Variants in RXFP1 observed in about 807,000 individuals in gnomAD.
RXFP1 encodes relaxin family peptide receptor 1, also known as relaxin receptor 1.
Under a neutral mutation model 89.8 loss-of-function variants are expected in RXFP1, and 73 were observed. The ratio of observed to expected loss-of-function variants is 0.81; its 90% confidence interval spans 0.67 to 0.99. The LOEUF is 0.99. Ranked by LOEUF, RXFP1 falls within the 50% of genes least tolerant of loss-of-function variation. The pLI is 0.00. For missense variants in RXFP1, 793 were observed against 895.5 expected, an observed-to-expected ratio of 0.89 and a Z score of 1.46; for synonymous variants, 277 against 305.5, an observed-to-expected ratio of 0.91 and a Z score of 0.97.
At chr4:158,591,193 TA>T (rs1345628124) in intron 2 of RXFP1, among the ~76,000 whole-genome samples, 1 of 152,186 alleles carries the variant, frequency 6.6e-6, no homozygotes, top group Non-Finnish European at 1.5e-5. Flanking sequence ...GAAAGCATTC[TA>T]AAGTGGGGGT....
intron 2 of RXFP1, among the ~76,000 whole-genome samples, chr4:158,585,702 G>T (rs1231519147): frequency 6.6e-6 from 1 of 152,122 alleles, no homozygotes; most frequent in Non-Finnish European, 1.5e-5. Context: ...AAGTACCTTA[G>T]TAGTCACTGA....
intron 1 of RXFP1, among the ~76,000 whole-genome samples, chr4:158,549,390 A>G (rs2149879285): frequency 6.6e-6 from 1 of 151,838 alleles, no homozygotes; most frequent in Non-Finnish European, 1.5e-5. Flanking sequence ...TTTGCCATTG[A>G]TTTGAATTTC....
intron 16 of RXFP1, among the ~76,000 whole-genome samples, chr4:158,647,745 C>T (rs763555191): frequency 1.3e-5 from 2 of 151,964 alleles, no homozygotes; most frequent in Non-Finnish European, 2.9e-5. Context: ...AGGCCAGGCA[C>T]GGTGGCTCAT....
In RXFP1 at chr4:158,628,348, G is replaced by T. The variant is rs1200587801; in HGVS notation, c.828-290G>T. Among the ~76,000 whole-genome samples the T allele has an allele frequency of 2.0e-5, 3 of 152,140 alleles. No individual in the cohort carries two copies. In the East Asian group the frequency reaches 5.8e-4, roughly 29 times the overall value. Reference sequence around the variant, plus strand: ...TAAAACAGCTCCTATGCTCTTGGTTGCAAGATATGCAGTCTGTATTCTCAA... The same window carrying T: ...TAAAACAGCTCCTATGCTCTTGGTTTCAAGATATGCAGTCTGTATTCTCAA... On this transcript the variant is annotated intron_variant, in intron 10 of 17. Transcript: ENST00000307765.
chr4:158,588,500 G>T (rs1023768515), intron 2 of RXFP1, among the ~76,000 whole-genome samples: 1 of 152,058 alleles, frequency 6.6e-6, no homozygotes, highest in East Asian at 1.9e-4. Flanking sequence ...TGCTGCTCCC[G>T]CCCCCAACAC....
rs760144867 is a variant in RXFP1, at chr4:158,618,705, T to C, written c.755+1500T>C. On this transcript the variant is annotated intron_variant, in intron 9 of 17. Coordinates refer to ENST00000307765, the MANE Select transcript of RXFP1 (RefSeq NM_021634.4). ...GCCAAACATCATTTTAACTCTGATT[T>C]AGGGGAAAAATACATACAAACTAAA... is the stretch of plus-strand genomic sequence containing the variant. 7.2e-5 allele frequency among the ~76,000 whole-genome samples: 11 copies of C among 152,080 alleles called. No individual in the cohort carries two copies. In the East Asian group the frequency reaches 2.1e-3, roughly 29 times the overall value.
rs1579673353 is a variant in RXFP1 at position 158,567,786 on chromosome 4, A to AGACCAATCGGCTCTCTGTAAAACG, written c.50-4903_50-4880dup. The stretch of plus-strand genomic sequence containing the variant: ...CAGACCAATCAGCTCTCTGTAAAAC[A>AGACCAATCGGCTCTCTGTAAAACG]GACCAATCGGCTCTCTGTAAAACGG... On this transcript the variant is annotated intron_variant, in intron 1 of 17. Transcript: ENST00000307765. Among the ~76,000 whole-genome samples the AGACCAATCGGCTCTCTGTAAAACG allele has an allele frequency of 2.0e-5, 3 of 152,320 alleles. No homozygotes were observed. In the East Asian group the frequency reaches 5.8e-4, roughly 29 times the overall value.
chr4:158,568,035 C>A (rs746806312), intron 1 of RXFP1, among the ~76,000 whole-genome samples: 2 of 152,160 alleles, frequency 1.3e-5, no homozygotes, highest in Non-Finnish European at 2.9e-5. Flanking sequence ...CCATCAAGAC[C>A]ACGAACCCAC....
At chr4:158,537,052 A>G (rs1745443895) in intron 1 of RXFP1, among the ~76,000 whole-genome samples, 1 of 151,396 alleles carries the variant, frequency 6.6e-6, no homozygotes, top group Non-Finnish European at 1.5e-5. Context: ...TTGACAACGC[A>G]ATTACTTTTG....
chr4:158,607,867 T>C, intron 5 of RXFP1, 105 bp from the exon 6 acceptor site: 1 of 689,608 alleles, frequency 1.5e-6, no homozygotes. Flanking sequence ...AGCACATTCA[T>C]ATTGCTATGC....
chr4:158,644,080 T>C (rs1248055724), intron 14 of RXFP1, among the ~76,000 whole-genome samples: 1 of 149,554 alleles, frequency 6.7e-6, no homozygotes, highest in African/African-American at 2.5e-5. Flanking sequence ...AGTCTCGCTC[T>C]GTCGCCCCCA....
intron 1 of RXFP1, among the ~76,000 whole-genome samples, chr4:158,529,442 A>G (rs1203357557): frequency 1.3e-5 from 2 of 151,794 alleles, no homozygotes; most frequent in Non-Finnish European, 2.9e-5. Context: ...TATTTTTTGT[A>G]GAGATGGGAG....
At chr4:158,531,998 T>C (rs7695283) in intron 1 of RXFP1, among the ~76,000 whole-genome samples, 131,952 of 151,964 alleles carry the variant, frequency 0.87, 60,315 homozygotes, top group East Asian at 1. Context: ...GTATATCGTG[T>C]GATGCTGAGG....
intron 1 of RXFP1, among the ~76,000 whole-genome samples, chr4:158,537,760 A>G (rs946806782): frequency 3.9e-5 from 6 of 152,234 alleles, no homozygotes; most frequent in Non-Finnish European, 5.9e-5. Flanking sequence ...TCTGGTGGTG[A>G]TATTTAAATA....
chr4:158,522,832 C>A (rs573482551), intron 1 of RXFP1, among the ~76,000 whole-genome samples: 1 of 152,140 alleles, frequency 6.6e-6, no homozygotes, highest in South Asian at 2.1e-4. Flanking sequence ...TGGGCTTTTA[C>A]TAATTTAGAA....
intron 9 of RXFP1, among the ~76,000 whole-genome samples, chr4:158,623,626 C>T (rs1341925603): frequency 1.3e-5 from 2 of 151,628 alleles, no homozygotes; most frequent in Non-Finnish European, 2.9e-5. Flanking sequence ...TATCAAACTT[C>T]AGTGCCCCTT....
intron 5 of RXFP1, 84 bp downstream of exon 5, chr4:158,605,223 C>G: frequency 2.9e-6 from 2 of 683,682 alleles, no homozygotes; most frequent in Admixed American, 2.3e-5. Flanking sequence ...TGAACACCAA[C>G]ACTATTCCGC....
chr4:158,613,744 A>C (rs754465977), intron 8 of RXFP1, among the ~76,000 whole-genome samples: 3 of 152,218 alleles, frequency 2.0e-5, no homozygotes, highest in Non-Finnish European at 2.9e-5. Flanking sequence ...AACTCCTGTT[A>C]ATGTGAATAT....
At chr4:158,551,101 G>A (rs1749995473) in intron 1 of RXFP1, among the ~76,000 whole-genome samples, 1 of 151,562 alleles carries the variant, frequency 6.6e-6, no homozygotes, top group African/African-American at 2.4e-5. Context: ...TGAAAATGTG[G>A]TATATATACA....
Sources: allele counts gnomAD v4.1 joint callset (sites outside exome capture counted in the v4.1 genomes callset), GRCh38; gene constraint gnomAD v4.1.1; transcripts MANE v1.5; gene names NCBI Gene and HGNC (gene_info 2026-07-23, HGNC 2026-07-21).